TRDMT1: variants seen among roughly 807,000 people sequenced by gnomAD.
The protein encoded by TRDMT1 is tRNA aspartic acid methyltransferase 1.
TRDMT1 carries 49 observed loss-of-function variants against 51.2 expected under a neutral mutation model. That is an observed-to-expected ratio of 0.96 (90% CI 0.76 to 1.21). TRDMT1 has a LOEUF of 1.21. Among genes scored for constraint, TRDMT1 ranks in the 50% most tolerant of loss-of-function variants. TRDMT1 has a pLI of 0.00. For synonymous variants in TRDMT1, 187 were observed against 164.6 expected (o/e 1.14, Z -1.04); for missense variants, 534 against 462.3 (o/e 1.16, Z -1.42).
intron 10 of TRDMT1, among the ~76,000 whole-genome samples, chr10:17,149,385 T>A (rs996133311): frequency 6.6e-6 from 1 of 152,154 alleles, no homozygotes; most frequent in Non-Finnish European, 1.5e-5. Context: ...TGTACACATA[T>A]AATATCCACA....
intron 8 of TRDMT1, among the ~76,000 whole-genome samples, chr10:17,157,189 C>T (rs1354529727): frequency 6.6e-6 from 1 of 152,112 alleles, no homozygotes; most frequent in Non-Finnish European, 1.5e-5. Context: ...TATTTAAGCT[C>T]CTATGAAGGT....
Position 17,148,151 on chromosome 10 carries a change from AAG to A in TRDMT1, c.*887_*888del, listed in dbSNP as rs1838282463. On this transcript the variant is annotated 3_prime_UTR_variant, in exon 11 of 11. Coordinates refer to ENST00000377799, the MANE Select transcript of TRDMT1 (RefSeq NM_004412.7). ...GTCTGCTGAGGAAGAGAGACAGAGAAAGTTAAAAGTCATAAAAGTTCATTGAG... is the reference window on the plus strand; with the variant it reads ...GTCTGCTGAGGAAGAGAGACAGAGAATTAAAAGTCATAAAAGTTCATTGAG... The A allele has an allele frequency of 1.0e-6, 1 of 985,328 alleles. No individual in the cohort carries two copies. Among genetic ancestry groups the A allele is most frequent in the Non-Finnish European group, 1.2e-6 (1 of 829,952 alleles). 61.0% of individuals were successfully genotyped at this position (985,328 alleles called of 1,614,324 possible). A position where few individuals can be genotyped will look rare whatever the true frequency, so the allele number is the denominator to read the frequency against.
chr10:17,167,221 G>C (rs1344099496), intron 3 of TRDMT1, among the ~76,000 whole-genome samples: 1 of 152,186 alleles, frequency 6.6e-6, no homozygotes, highest in African/African-American at 2.4e-5. Context: ...TCATTTCCTA[G>C]AGAATTGTTT....
At chr10:17,152,287 A>G (rs1231517333) in intron 10 of TRDMT1, among the ~76,000 whole-genome samples, 1 of 152,188 alleles carries the variant, frequency 6.6e-6, no homozygotes. Context: ...TGAGATCACC[A>G]AGAAAGAGGC....
chr10:17,164,694 C>T (rs1005812460), intron 3 of TRDMT1, among the ~76,000 whole-genome samples: 23 of 151,438 alleles, frequency 1.5e-4, no homozygotes, highest in Middle Eastern at 3.4e-3. Context: ...AATCAATGTG[C>T]AAAAATCACA....
Position 17,201,659 on chromosome 10 carries a change from C to A in TRDMT1, c.-25G>T. 1 of 1,537,814 alleles carries A rather than the reference C, an allele frequency of 6.5e-7. No individual in the cohort carries two copies. The highest frequency in any genetic ancestry group is 8.7e-7 in the Non-Finnish European group (1 of 1,142,888). ...TCCCCGCGCCTCAGCCGCCGCAGCC[C>A]CGGAGCTAGGCCTGCCGGTCCGTCG... On this transcript the variant is annotated 5_prime_UTR_variant, in exon 1 of 11. Coordinates refer to ENST00000377799, the MANE Select transcript of TRDMT1 (RefSeq NM_004412.7).
At position 17,153,636 on chromosome 10, in the gene TRDMT1, C is replaced by T; in HGVS notation, c.946G>A (p.Val316Ile). 1 of 1,568,192 alleles carries T rather than the reference C, an allele frequency of 6.4e-7. No homozygotes were observed. ...GTAAGGGATTTGTAGATATTCTCAA[C>T]CTGTAAGAAAATACCCAAGATAACT... ...SVLQTAEDVQ[V>I]ENIYKSLTNL... Residue 316 changes from valine to isoleucine, a missense_variant and splice_region_variant, in exon 10 of 11, where the codon GTT becomes ATT. Transcript: ENST00000377799.
rs527799532 is a variant in TRDMT1, at chr10:17,201,665, C to G, written c.-31G>C. 86 of 1,533,522 alleles carry G rather than the reference C, an allele frequency of 5.6e-5. No individual in the cohort carries two copies. Among genetic ancestry groups the G allele is most frequent in the Non-Finnish European group, 7.2e-5 (82 of 1,140,416 alleles). 95.0% of individuals were successfully genotyped at this position (1,533,522 alleles called of 1,614,324 possible). A position where few individuals can be genotyped will look rare whatever the true frequency, so the allele number is the denominator to read the frequency against. On this transcript the variant is annotated 5_prime_UTR_variant, in exon 1 of 11. Transcript: ENST00000377799. ...CGCCTCAGCCGCCGCAGCCCCGGAG[C>G]TAGGCCTGCCGGTCCGTCGCTCCTC...
chr10:17,154,812 A>G, intron 8 of TRDMT1, 78 bp from the exon 9 acceptor site: 1 of 1,231,396 alleles, frequency 8.1e-7, no homozygotes, highest in Non-Finnish European at 1.2e-6. Context: ...TATTGAATGA[A>G]TTAATCAATC....
In TRDMT1 at chr10:17,146,103, TA is replaced by T; in HGVS notation, c.*2936del. 1 of 985,450 alleles carries T rather than the reference TA, an allele frequency of 1.0e-6. No individual in the cohort carries two copies. The highest frequency in any genetic ancestry group is 1.1e-4 in the East Asian group (1 of 8,816). The allele number at this position is 985,450 out of a possible 1,614,324, so 61.0% of individuals were successfully genotyped here. On this transcript the variant is annotated 3_prime_UTR_variant, in exon 11 of 11. Coordinates refer to ENST00000377799, the MANE Select transcript of TRDMT1 (RefSeq NM_004412.7). ...AGCAATACAGCCTTTCAGGGCAACTTAAAAGCCTCTCTACTAAATAACTTTA... is the reference window on the plus strand; with the variant it reads ...AGCAATACAGCCTTTCAGGGCAACTTAAAGCCTCTCTACTAAATAACTTTA...
At position 17,144,484 on chromosome 10, in the gene TRDMT1, GC is replaced by G. The variant is rs1323068579; in HGVS notation, c.*4555del. 1 of 985,646 alleles carries G rather than the reference GC, an allele frequency of 1.0e-6. No homozygotes were observed. Among genetic ancestry groups the G allele is most frequent in the East Asian group, 1.1e-4 (1 of 8,820 alleles). The allele number at this position is 985,646 out of a possible 1,614,324, so 61.1% of individuals were successfully genotyped here. A position where few individuals can be genotyped will look rare whatever the true frequency, so the allele number is the denominator to read the frequency against. On this transcript the variant is annotated 3_prime_UTR_variant, in exon 11 of 11. Transcript: ENST00000377799. ...TTATAGGAAAAATGAGATTTTGGAA[GC>G]TTTAGGAGTCAAGTGTGGTGTACTT... is the stretch of plus-strand genomic sequence containing the variant.
chr10:17,180,029 A>C (rs1488716722), intron 1 of TRDMT1, among the ~76,000 whole-genome samples: 1 of 152,178 alleles, frequency 6.6e-6, no homozygotes, highest in African/African-American at 2.4e-5. Flanking sequence ...CATTTAAGTA[A>C]GAAGTATAGG....
chr10:17,153,387 C>A (rs951035703), intron 10 of TRDMT1, 120 bp downstream of exon 10: 5 of 1,159,980 alleles, frequency 4.3e-6, no homozygotes, highest in Non-Finnish European at 6.1e-6. Flanking sequence ...ATGGCATGAT[C>A]AGGAAAGGAA....
rs1837603558 is a variant in TRDMT1 at position 17,140,719 on chromosome 10, A to G, written c.*8321T>C. Among the ~76,000 whole-genome samples, 1 of 70,018 alleles carries G rather than the reference A, an allele frequency of 1.4e-5. No homozygotes were observed. The highest frequency in any genetic ancestry group is 5.4e-5 in the African/African-American group (1 of 18,584). The allele number at this position is 70,018 out of a possible 152,430, so 45.9% of individuals were successfully genotyped here. A position where few individuals can be genotyped will look rare whatever the true frequency, so the allele number is the denominator to read the frequency against. ...ATAAAACTAATATTATGCCACATTG[A>G]TGAAAACAAAAACAACAAAAAAGAT... On this transcript the variant is annotated 3_prime_UTR_variant, in exon 11 of 11. Coordinates refer to ENST00000377799, the MANE Select transcript of TRDMT1 (RefSeq NM_004412.7).
chr10:17,198,781 T>C (rs1282178707), intron 1 of TRDMT1, among the ~76,000 whole-genome samples: 2 of 152,374 alleles, frequency 1.3e-5, no homozygotes, highest in East Asian at 1.9e-4. Flanking sequence ...CATTTAAAAA[T>C]AGTTTAAATG....
At chr10:17,152,378 G>C (rs1838864622) in intron 10 of TRDMT1, among the ~76,000 whole-genome samples, 1 of 152,152 alleles carries the variant, frequency 6.6e-6, no homozygotes, top group Admixed American at 6.6e-5. Context: ...TATATTGGCA[G>C]TTTGTTCCCT....
chr10:17,157,422 A>C lies in TRDMT1; in HGVS notation c.887+19T>G. 6.4e-7 allele frequency: 1 copy of C among 1,566,094 alleles called. No homozygotes were observed. The highest frequency in any genetic ancestry group is 1.4e-5 in the African/African-American group (1 of 73,340). ...CCTGGTTATTTTGGATACAGGATCAATAGATCTTTAAAACCTACCCTTTGG... is the reference window on the plus strand; with the variant it reads ...CCTGGTTATTTTGGATACAGGATCACTAGATCTTTAAAACCTACCCTTTGG... On this transcript the variant is annotated intron_variant, in intron 8 of 10. Transcript: ENST00000377799.
intron 5 of TRDMT1, among the ~76,000 whole-genome samples, 173 bp from the exon 6 acceptor site, chr10:17,160,547 C>A (rs1197265021): frequency 6.6e-6 from 1 of 152,100 alleles, no homozygotes; most frequent in Admixed American, 6.5e-5. Flanking sequence ...TCTCGGCTCA[C>A]TGCATCCTCC....
At chr10:17,194,964 A>C (rs1208171023) in intron 1 of TRDMT1, among the ~76,000 whole-genome samples, 1 of 148,042 alleles carries the variant, frequency 6.8e-6, no homozygotes, top group Non-Finnish European at 1.5e-5. Flanking sequence ...AAAAAAAAAA[A>C]CGCAGATGCT....
Sources: gnomAD v4.1 joint callset for allele counts (sites outside exome capture counted in the v4.1 genomes callset) on GRCh38, gnomAD v4.1.1 for gene constraint, MANE v1.5 for transcripts, NCBI Gene and HGNC (gene_info 2026-07-23, HGNC 2026-07-21) for gene names.